SORL1: variants seen among roughly 807,000 people sequenced by gnomAD.
SORL1 encodes sortilin related receptor 1.
SORL1 carries 127 observed loss-of-function variants against 273.7 expected under a neutral mutation model. The observed-to-expected ratio is 0.46, with a 90% CI of 0.40 to 0.54. SORL1 has a LOEUF of 0.54. Among genes scored for constraint, SORL1 ranks in the 20% least tolerant of loss-of-function variants. The pLI is 0.00. For missense variants in SORL1, 2,494 were observed against 2,846.1 expected, an observed-to-expected ratio of 0.88 and a Z score of 2.81; for synonymous variants, 1,031 against 1,067.4, an observed-to-expected ratio of 0.97 and a Z score of 0.66.
At chr11:121,516,026 C>T (rs962790369) in intron 8 of SORL1, among the ~76,000 whole-genome samples, 1 of 152,090 alleles carries the variant, frequency 6.6e-6, no homozygotes, top group Non-Finnish European at 1.5e-5. Flanking sequence ...AATTTTTTTC[C>T]GTTAAAATCT....
rs1338297202 is a variant in SORL1, at chr11:121,595,720, G to A, written c.4467G>A (p.Lys1489=). Residue 1489 remains lysine, a synonymous_variant, in exon 32 of 48, where the codon AAG becomes AAA. Coordinates refer to ENST00000260197, the MANE Select transcript of SORL1 (RefSeq NM_003105.6). The surrounding 1 kb of genome is among the most constrained non-coding windows in gnomAD (Gnocchi z 5.1). ...HQPKTCIPNW[K]RCDGHQDCQD... is the part of the protein sequence containing the mutation. ...CGAAGACGTGTATTCCCAACTGGAA[G>A]CGCTGTGACGGCCACCAAGATTGCC... is the stretch of plus-strand genomic sequence containing the variant. The A allele has an allele frequency of 6.2e-7, 1 of 1,614,086 alleles. No homozygotes were observed. Among genetic ancestry groups the A allele is most frequent in the Non-Finnish European group, 8.5e-7 (1 of 1,180,038 alleles).
intron 23 of SORL1, among the ~76,000 whole-genome samples, chr11:121,570,913 A>T (rs1180481204): frequency 6.6e-6 from 1 of 152,194 alleles, no homozygotes; most frequent in African/African-American, 2.4e-5. Flanking sequence ...TTAACCATGA[A>T]TTTTCACTAT....
At chr11:121,593,354 A>G (rs1171290623) in intron 31 of SORL1, among the ~76,000 whole-genome samples, 2 of 152,192 alleles carry the variant, frequency 1.3e-5, no homozygotes, top group African/African-American at 4.8e-5. Flanking sequence ...GTTTTGTACC[A>G]TTTGCCAATG....
At chr11:121,602,684 A>G (rs1412870370) in intron 32 of SORL1, among the ~76,000 whole-genome samples, 2 of 152,208 alleles carry the variant, frequency 1.3e-5, no homozygotes, top group Non-Finnish European at 2.9e-5. Context: ...GGGGCGTATG[A>G]AGCTTCCTTG....
intron 11 of SORL1, among the ~76,000 whole-genome samples, chr11:121,528,776 A>G (rs189236867): frequency 7.1e-4 from 108 of 152,302 alleles, no homozygotes; most frequent in African/African-American, 2.5e-3. Context: ...ATTTATTTTG[A>G]GATCCAGCCT....
At chr11:121,572,818 G>A (rs1862863558) in intron 23 of SORL1, among the ~76,000 whole-genome samples, 1 of 152,104 alleles carries the variant, frequency 6.6e-6, no homozygotes, top group Admixed American at 6.5e-5. Context: ...GCGAATCCCT[G>A]CAGTCTTGTC....
At position 121,621,081 on chromosome 11, in the gene SORL1, C is replaced by T. The variant is rs773923108; in HGVS notation, c.5907C>T (p.Val1969=). ...PDQDLLYAVA[V]KDLIRKTDRS... ...GGTCCTAGTTGTATGCAGTTGCAGTCAAAGATCTCATAAGAAAGACTGACA... is the reference window on the plus strand; with the variant it reads ...GGTCCTAGTTGTATGCAGTTGCAGTTAAAGATCTCATAAGAAAGACTGACA... The change falls in exon 44 of 48, where the codon GTC becomes GTT. Residue 1969 remains valine, a synonymous_variant. Transcript: ENST00000260197. 1.2e-6 allele frequency: 2 copies of T among 1,609,964 alleles called. No homozygotes were observed. The highest frequency in any genetic ancestry group is 4.5e-5 in the East Asian group (2 of 44,804).
chr11:121,541,526 T>C (rs1215011990), intron 12 of SORL1, among the ~76,000 whole-genome samples: 8 of 152,170 alleles, frequency 5.3e-5, no homozygotes, highest in African/African-American at 1.7e-4. Flanking sequence ...ATTTTAATAA[T>C]CTCAATATGA....
rs1352520126 is a variant in SORL1, at chr11:121,563,447, G to A, written c.3050-3493G>A. ...GTCTCGTTCTGTTACCCCGGCTGGA[G>A]TGCAGTGATGTGATCTTGGCTCACT... On this transcript the variant is annotated intron_variant, in intron 21 of 47. Transcript: ENST00000260197. This position sits in a 1 kb window ranked among gnomAD's most constrained non-coding sequence, Gnocchi z 4.2. 6.6e-6 allele frequency among the ~76,000 whole-genome samples: 1 copy of A among 152,164 alleles called. No individual in the cohort carries two copies. The highest frequency in any genetic ancestry group is 2.4e-5 in the African/African-American group (1 of 41,436).
chr11:121,517,907 T>A (rs1861979025), intron 8 of SORL1, among the ~76,000 whole-genome samples: 1 of 152,208 alleles, frequency 6.6e-6, no homozygotes, highest in Non-Finnish European at 1.5e-5. Context: ...GCAGGCTGGT[T>A]TAGAGTAAAC....
chr11:121,597,587 G>A (rs1046389561), intron 32 of SORL1, among the ~76,000 whole-genome samples: 4 of 151,844 alleles, frequency 2.6e-5, no homozygotes, highest in Non-Finnish European at 4.4e-5. Flanking sequence ...TCAGCCTCCC[G>A]AGTAGCTGGG....
At chr11:121,508,402 C>T (rs1018493705) in intron 6 of SORL1, among the ~76,000 whole-genome samples, 5 of 152,170 alleles carry the variant, frequency 3.3e-5, no homozygotes, top group Non-Finnish European at 5.9e-5. Context: ...CTTTTTAATT[C>T]CCAATTGGTA....
In SORL1 at chr11:121,612,522, G is replaced by A. The variant is rs116449495; in HGVS notation, c.5323-214G>A. The A allele has an allele frequency of 1.6e-3, 608 of 375,404 alleles. 3 individuals carry two copies. Among genetic ancestry groups the A allele is most frequent in the African/African-American group, 0.011 (551 of 48,032 alleles). The allele number at this position is 375,404 out of a possible 1,614,324, so 23.3% of individuals were successfully genotyped here. A position where few individuals can be genotyped will look rare whatever the true frequency, so the allele number is the denominator to read the frequency against. On this transcript the variant is annotated intron_variant, in intron 39 of 47. Transcript: ENST00000260197. ...GAATCTATAAATTAAATATGGTCTC[G>A]TTTGTTTTTAGAAGTAGGTGGAGTA...
chr11:121,484,372 T>TC (rs1195789515), intron 3 of SORL1, among the ~76,000 whole-genome samples: 1 of 152,146 alleles, frequency 6.6e-6, no homozygotes, highest in African/African-American at 2.4e-5. Flanking sequence ...ATTGCCTGCC[T>TC]CCAGTTTGTT....
chr11:121,595,488 C>T lies in SORL1; in HGVS notation c.4370-135C>T. ...TGTCTGTATCTACTCTGCTCTCTAT[C>T]CGGAACTCGCATTTGTCTTCAGGTT... On this transcript the variant is annotated intron_variant, in intron 31 of 47. Coordinates refer to ENST00000260197, the MANE Select transcript of SORL1 (RefSeq NM_003105.6). This position sits in a 1 kb window ranked among gnomAD's most constrained non-coding sequence, Gnocchi z 5.1. 1.3e-6 allele frequency: 1 copy of T among 783,702 alleles called. No individual in the cohort carries two copies. Among genetic ancestry groups the T allele is most frequent in the Non-Finnish European group, 2.1e-6 (1 of 479,464 alleles). The allele number at this position is 783,702 out of a possible 1,614,324, so 48.5% of individuals were successfully genotyped here.
Position 121,608,190 on chromosome 11 carries a change from G to A in SORL1, c.5239+14G>A. 6.3e-7 allele frequency: 1 copy of A among 1,599,598 alleles called. No individual in the cohort carries two copies. On this transcript the variant is annotated intron_variant, in intron 38 of 47. Coordinates refer to ENST00000260197, the MANE Select transcript of SORL1 (RefSeq NM_003105.6). ...TAAAAGGAAAAGGTAAATGATCCCA[G>A]CATTTGCAGATTTAGAGAAAATATT...
Position 121,462,087 on chromosome 11 carries a change from C to T in SORL1, c.286-7920C>T, listed in dbSNP as rs551608140. ...TAGACAGGTGGTAAACCGGAGAGAA[C>T]AAGACTCAAACCAACCCGCTAACTT... On this transcript the variant is annotated intron_variant, in intron 1 of 47. Coordinates refer to ENST00000260197, the MANE Select transcript of SORL1 (RefSeq NM_003105.6). Among the ~76,000 whole-genome samples, 41 of 152,286 alleles carry T rather than the reference C, an allele frequency of 2.7e-4. 1 individual carries two copies. Among genetic ancestry groups the T allele is most frequent in the African/African-American group, 9.9e-4 (41 of 41,546 alleles).
In SORL1 at chr11:121,586,324, A is replaced by G. The variant is rs1455273193; in HGVS notation, c.3809A>G (p.His1270Arg). Reference protein sequence around the residue: ...RDCSDGSDEQHCEPLCTHFMD... With the variant: ...RDCSDGSDEQRCEPLCTHFMD... ...TGCTCTGATGGCTCCGATGAACAGC[A>G]CTGCGGTGAGTTCATTCCTTGCCCC... The change falls in exon 27 of 48, where the codon CAC becomes CGC. Residue 1270 changes from histidine to arginine, a missense_variant. His to Arg is a conservative substitution (Grantham distance 29). Coordinates refer to ENST00000260197, the MANE Select transcript of SORL1 (RefSeq NM_003105.6). The G allele has an allele frequency of 1.2e-6, 2 of 1,611,764 alleles. No individual in the cohort carries two copies. Among genetic ancestry groups the G allele is most frequent in the African/African-American group, 1.3e-5 (1 of 74,880 alleles).
In SORL1 at chr11:121,566,229, A is replaced by G. The variant is rs142605922; in HGVS notation, c.3050-711A>G. Among the ~76,000 whole-genome samples, 24 of 152,144 alleles carry G rather than the reference A, an allele frequency of 1.6e-4. No individual in the cohort carries two copies. The East Asian group carries it at 3.5e-3, about 22-fold the overall frequency. On this transcript the variant is annotated intron_variant, in intron 21 of 47. Coordinates refer to ENST00000260197, the MANE Select transcript of SORL1 (RefSeq NM_003105.6). ...GAGCTGTTCTTTCTCTTTCCCTCTC[A>G]TTAGGCCTCTTCTCTCTGTAAGCCT...
Sources: allele counts gnomAD v4.1 joint callset (sites outside exome capture counted in the v4.1 genomes callset), GRCh38; gene constraint gnomAD v4.1.1; non-coding constraint Gnocchi (gnomAD v3.1); transcripts MANE v1.5; gene names NCBI Gene and HGNC (gene_info 2026-07-23, HGNC 2026-07-21).